The following NFIB variants were observed in gnomAD, a reference collection of about 807,000 sequenced individuals.
The protein encoded by NFIB is nuclear factor I B.
NFIB carries 11 observed loss-of-function variants against 61.5 expected under a neutral mutation model. The ratio of observed to expected loss-of-function variants is 0.18; its 90% CI spans 0.11 to 0.30. The LOEUF is 0.30. NFIB is among the 10% of genes least tolerant of loss of function. NFIB has a pLI of 1.00. For missense variants in NFIB, 471 were observed against 608.9 expected (o/e 0.77, Z 2.38); for synonymous variants, 260 against 216.5 (o/e 1.20, Z -1.76).
chr9:14,452,632 G>A, the NFIB span, among the ~76,000 whole-genome samples: 7 of 152,132 alleles, frequency 4.6e-5, no homozygotes, highest in African/African-American at 7.2e-5. Context: ...AGAAAATCTC[G>A]ACCCTGGGAC....
chr9:14,198,713 G>T (rs1587529973), intron 2 of NFIB, among the ~76,000 whole-genome samples: 1 of 152,294 alleles, frequency 6.6e-6, no homozygotes, highest in African/African-American at 2.4e-5. Flanking sequence ...AAGCACCCCA[G>T]GTAACTCCCG....
the NFIB span, among the ~76,000 whole-genome samples, chr9:14,509,096 G>A: frequency 4.6e-5 from 7 of 152,158 alleles, no homozygotes; most frequent in African/African-American, 1.4e-4. Context: ...TTCAGCAAGC[G>A]TTTCTTGAGG....
chr9:14,292,818 A>C (rs2059189992), intron 2 of NFIB, among the ~76,000 whole-genome samples: 2 of 152,160 alleles, frequency 1.3e-5, no homozygotes, highest in African/African-American at 4.8e-5. Context: ...TCTTTTTTTA[A>C]TGTAAAGACC....
At chr9:14,505,984 T>G in the NFIB span, among the ~76,000 whole-genome samples, 1 of 152,164 alleles carries the variant, frequency 6.6e-6, no homozygotes, top group Non-Finnish European at 1.5e-5. Flanking sequence ...AGAAATGGTA[T>G]TACACAATCG....
intron 4 of NFIB, among the ~76,000 whole-genome samples, chr9:14,152,104 A>C (rs2042930997): frequency 6.6e-6 from 1 of 152,138 alleles, no homozygotes; most frequent in African/African-American, 2.4e-5. Flanking sequence ...GTAACCACGG[A>C]ATACACAATG....
chr9:14,528,668 GA>G, the NFIB span, among the ~76,000 whole-genome samples: 1 of 152,060 alleles, frequency 6.6e-6, no homozygotes, highest in African/African-American at 2.4e-5. Context: ...GAAAGTTGGA[GA>G]AAAAAATAAT....
intron 2 of NFIB, among the ~76,000 whole-genome samples, chr9:14,297,330 G>C (rs928342319): frequency 1.3e-5 from 2 of 152,184 alleles, no homozygotes; most frequent in African/African-American, 2.4e-5. Flanking sequence ...TTCTAGACTA[G>C]TTTTTACAGG....
Position 14,209,754 on chromosome 9 carries a change from G to C in NFIB, c.563-29974C>G, listed in dbSNP as rs1351434181. On this transcript the variant is annotated intron_variant, in intron 2 of 10. Transcript: ENST00000380953. Reference sequence around the variant, plus strand: ...ACTTAAAAGTGGAGGGAAAAGAGCAGAGGACTACAAGTTTGGAAGATCTAT... The same window carrying C: ...ACTTAAAAGTGGAGGGAAAAGAGCACAGGACTACAAGTTTGGAAGATCTAT... 3.9e-5 allele frequency among the ~76,000 whole-genome samples: 6 copies of C among 152,320 alleles called. No individual in the cohort carries two copies. The East Asian group carries it at 9.6e-4, about 24-fold the overall frequency.
chr9:14,179,859 A>C lies in NFIB; in HGVS notation c.563-79T>G, dbSNP rs2046569638. On this transcript the variant is annotated intron_variant, in intron 2 of 10. Coordinates refer to ENST00000380953, the MANE Select transcript of NFIB (RefSeq NM_001190737.2). ...CACAATCCTCAAAGGACTCGAAAAA[A>C]AAATTTGAAGGTATAAAAATGAAGT... 1.1e-5 allele frequency: 16 copies of C among 1,447,812 alleles called. No homozygotes were observed. The South Asian group carries it at 1.6e-4, about 15-fold the overall frequency. 89.7% of individuals were successfully genotyped at this position (1,447,812 alleles called of 1,614,324 possible). A position where few individuals can be genotyped will look rare whatever the true frequency, so the allele number is the denominator to read the frequency against.
chr9:14,376,804 C>T (rs1328758776), intron 1 of NFIB, among the ~76,000 whole-genome samples: 3 of 151,844 alleles, frequency 2.0e-5, no homozygotes, highest in African/African-American at 7.3e-5. Context: ...AGGCATGAGC[C>T]ACTGCGCCTG....
chr9:14,258,697 C>A (rs948661997), intron 2 of NFIB, among the ~76,000 whole-genome samples: 1 of 152,178 alleles, frequency 6.6e-6, no homozygotes, highest in Admixed American at 6.5e-5. Context: ...TTCCATTATA[C>A]CCCATTTCCA....
chr9:14,106,677 A>G lies in NFIB; in HGVS notation c.1467+6322T>C, dbSNP rs193287422. 7.2e-5 allele frequency among the ~76,000 whole-genome samples: 11 copies of G among 152,250 alleles called. No homozygotes were observed. In the East Asian group the frequency reaches 1.9e-3, roughly 27 times the overall value. On this transcript the variant is annotated intron_variant, in intron 10 of 10. Transcript: ENST00000380953. ...ATTATCCTTTCCTAAACTACACTCAAATAATCATGTAAGTAGCAGATAGCC... is the reference window on the plus strand; with the variant it reads ...ATTATCCTTTCCTAAACTACACTCAGATAATCATGTAAGTAGCAGATAGCC...
chr9:14,221,227 A>C (rs2051631771), intron 2 of NFIB, among the ~76,000 whole-genome samples: 1 of 152,134 alleles, frequency 6.6e-6, no homozygotes, highest in Non-Finnish European at 1.5e-5. Context: ...GCTCTACCTA[A>C]ATTCCAGATT....
At chr9:14,508,895 G>A in the NFIB span, among the ~76,000 whole-genome samples, 293 of 152,268 alleles carry the variant, frequency 1.9e-3, 2 homozygotes, top group African/African-American at 6.7e-3. Context: ...TTCACAAATT[G>A]AAACTTATTT....
chr9:14,456,766 G>A, the NFIB span, among the ~76,000 whole-genome samples: 1 of 152,254 alleles, frequency 6.6e-6, no homozygotes, highest in East Asian at 1.9e-4. Context: ...GTTTTCAATA[G>A]GGGACAATTT....
chr9:14,083,351 G>T lies in NFIB; in HGVS notation c.*4958C>A. The T allele has an allele frequency of 4.4e-6, 1 of 226,056 alleles. No individual in the cohort carries two copies. The highest frequency in any genetic ancestry group is 8.8e-6 in the Non-Finnish European group (1 of 113,350). The allele number at this position is 226,056 out of a possible 1,614,324, so 14.0% of individuals were successfully genotyped here. The stretch of plus-strand genomic sequence containing the variant: ...CTCCACTCCACCCACACAATTTTAG[G>T]GAATTAGAAAAAACAGGGGAACTAC... On this transcript the variant is annotated 3_prime_UTR_variant, in exon 11 of 11. Transcript: ENST00000380953.
rs143443496 is a variant in NFIB, at chr9:14,338,851, T to C, written c.109-31331A>G. 5.4e-3 allele frequency among the ~76,000 whole-genome samples: 826 copies of C among 151,596 alleles called. 2 individuals carry two copies. The highest frequency in any genetic ancestry group is 8.3e-3 in the Non-Finnish European group (565 of 67,884). ...TCTCCTCCTTTCTCCTGCCCCTCCTTCCCCCCTTGGATCCCCCTCCCTTCT... is the reference window on the plus strand; with the variant it reads ...TCTCCTCCTTTCTCCTGCCCCTCCTCCCCCCCTTGGATCCCCCTCCCTTCT... On this transcript the variant is annotated intron_variant, in intron 1 of 8. Coordinates refer to the NFIB transcript ENST00000380934.
intron 1 of NFIB, among the ~76,000 whole-genome samples, chr9:14,381,073 C>CA (rs34848529): frequency 0.19 from 15,538 of 81,954 alleles, 2,166 homozygotes; most frequent in Middle Eastern, 0.25. Context: ...GACTCCGTCT[C>CA]AAAAAAAAAA....
At position 14,193,219 on chromosome 9, in the gene NFIB, T is replaced by G. The variant is rs141290186; in HGVS notation, c.563-13439A>C. Among the ~76,000 whole-genome samples, 3 of 151,936 alleles carry G rather than the reference T, an allele frequency of 2.0e-5. No individual in the cohort carries two copies. The East Asian group carries it at 5.8e-4, about 29-fold the overall frequency. On this transcript the variant is annotated intron_variant, in intron 2 of 10. Coordinates refer to ENST00000380953, the MANE Select transcript of NFIB (RefSeq NM_001190737.2). ...ATAATCCTACCCATCCATCCAAGTT[T>G]ACTTCTTCTTTTTATCATCTCCTAG...
Sources: gnomAD v4.1 joint callset for allele counts (sites outside exome capture counted in the v4.1 genomes callset) on GRCh38, gnomAD v4.1.1 for gene constraint, MANE v1.5 for transcripts, NCBI Gene and HGNC (gene_info 2026-07-23, HGNC 2026-07-21) for gene names.